Variants in SGIP1 observed in about 807,000 individuals in gnomAD.
SGIP1 encodes SH3GL interacting endocytic adaptor 1, also known as SH3-containing GRB2-like protein 3-interacting protein 1.
In SGIP1, 38 loss-of-function variants were observed where a neutral mutation model predicts 107.5. That is an observed-to-expected ratio of 0.35 (90% confidence interval 0.27 to 0.46). The LOEUF is 0.46. Ranked by LOEUF, SGIP1 falls within the 20% of genes least tolerant of loss-of-function variation. The probability of loss-of-function intolerance (pLI) is 1.00; values close to 1 mark genes in which losing one functional copy is unlikely to be tolerated. For synonymous variants in SGIP1, 365 were observed against 366.1 expected, an observed-to-expected ratio of 1.00 and a Z score of 0.03; for missense variants, 929 against 1,019.5, an observed-to-expected ratio of 0.91 and a Z score of 1.21.
At position 66,668,196 on chromosome 1, in the gene SGIP1, AT is replaced by A. The variant is rs780921591; in HGVS notation, c.483+666del. Among the ~76,000 whole-genome samples the A allele has an allele frequency of 1.5e-3, 223 of 149,264 alleles. 1 individual carries two copies. Among genetic ancestry groups the A allele is most frequent in the South Asian group, 6.0e-3 (28 of 4,698 alleles). On this transcript the variant is annotated intron_variant, in intron 9 of 24. Transcript: ENST00000371037. ...TTCCTCAAGTTGAAAAGTATCATAA[AT>A]TTTTTTTTTTCTGTGACGGATCTCG...
At chr1:66,569,189 T>C (rs914741238) in intron 1 of SGIP1, among the ~76,000 whole-genome samples, 2 of 152,008 alleles carry the variant, frequency 1.3e-5, no homozygotes, top group African/African-American at 4.8e-5. Flanking sequence ...GTTTTATTTT[T>C]TCCTTTTCAA....
At position 66,743,127 on chromosome 1, in the gene SGIP1, T is replaced by C; in HGVS notation, c.*32T>C. On this transcript the variant is annotated 3_prime_UTR_variant, in exon 25 of 25. Coordinates refer to ENST00000371037, the MANE Select transcript of SGIP1 (RefSeq NM_032291.4). Reference sequence around the variant, plus strand: ...CTTATGCAAGGATTTGGAGGATTCATATAATGGAGAACTGATGTATGAGAA... The same window carrying C: ...CTTATGCAAGGATTTGGAGGATTCACATAATGGAGAACTGATGTATGAGAA... 1 of 1,611,064 alleles carries C rather than the reference T, an allele frequency of 6.2e-7. No homozygotes were observed. The highest frequency in any genetic ancestry group is 1.3e-5 in the African/African-American group (1 of 74,952).
chr1:66,658,173 G>C (rs564294304), intron 7 of SGIP1, among the ~76,000 whole-genome samples: 1 of 152,218 alleles, frequency 6.6e-6, no homozygotes, highest in South Asian at 2.1e-4. Flanking sequence ...TTTAGAAAAG[G>C]CTGAGAAATT....
rs1039161627 is a variant in SGIP1, at chr1:66,628,837, A to T, written c.74+2927A>T. ...CGAGACATTTGTTTAAAGAATCCCA[A>T]GTATCCTTCCTTAACTTATCATTTG... On this transcript the variant is annotated intron_variant, in intron 2 of 24. Coordinates refer to ENST00000371037, the MANE Select transcript of SGIP1 (RefSeq NM_032291.4). Among the ~76,000 whole-genome samples the T allele has an allele frequency of 3.0e-5, 3 of 99,878 alleles. No homozygotes were observed. The Admixed American group carries it at 3.4e-4, about 11-fold the overall frequency. The allele number at this position is 99,878 out of a possible 152,430, so 65.5% of individuals were successfully genotyped here. A position where few individuals can be genotyped will look rare whatever the true frequency, so the allele number is the denominator to read the frequency against.
intron 15 of SGIP1, among the ~76,000 whole-genome samples, chr1:66,685,866 C>A (rs2088080191): frequency 6.6e-6 from 1 of 152,160 alleles, no homozygotes; most frequent in African/African-American, 2.4e-5. Flanking sequence ...GCAGACAGCT[C>A]TATTAGTAAT....
intron 24 of SGIP1, among the ~76,000 whole-genome samples, chr1:66,741,864 T>A (rs965707383): frequency 6.6e-6 from 1 of 151,850 alleles, no homozygotes; most frequent in Middle Eastern, 3.4e-3. Flanking sequence ...GCCTCCCGGG[T>A]TCACGCCATT....
At chr1:66,645,509 G>T (rs2077508057) in intron 7 of SGIP1, among the ~76,000 whole-genome samples, 1 of 152,170 alleles carries the variant, frequency 6.6e-6, no homozygotes, top group African/African-American at 2.4e-5. Flanking sequence ...GACACCCAGA[G>T]AGAGTGACCT....
rs148532343 is a variant in SGIP1 at position 66,676,979 on chromosome 1, G to C, written c.647-25G>C. On this transcript the variant is annotated intron_variant, in intron 12 of 24. Coordinates refer to ENST00000371037, the MANE Select transcript of SGIP1 (RefSeq NM_032291.4). ...ATGGGGATTTTTTTTAACTCACCCT[G>C]GGAAATCTTCTTTTTTGTTTCCAGT... 1.3e-3 allele frequency: 2,093 copies of C among 1,577,248 alleles called. 13 individuals are homozygous for C. In the African/African-American group the frequency reaches 0.016, roughly 12 times the overall value.
At chr1:66,631,235 A>G (rs1290196628) in intron 2 of SGIP1, among the ~76,000 whole-genome samples, 1 of 152,044 alleles carries the variant, frequency 6.6e-6, no homozygotes, top group Non-Finnish European at 1.5e-5. Flanking sequence ...GGATTTACTC[A>G]CCCATTTCAT....
chr1:66,572,464 T>A (rs951904257), intron 1 of SGIP1, among the ~76,000 whole-genome samples: 1 of 152,106 alleles, frequency 6.6e-6, no homozygotes, highest in South Asian at 2.1e-4. Context: ...TTGCTTTGTG[T>A]TGATATTCAG....
At position 66,681,945 on chromosome 1, in the gene SGIP1, A is replaced by G. The variant is rs1392329906; in HGVS notation, c.891A>G (p.Pro297=). The G allele has an allele frequency of 1.2e-6, 2 of 1,614,068 alleles. No homozygotes were observed. The highest frequency in any genetic ancestry group is 1.7e-6 in the Non-Finnish European group (2 of 1,180,030). ...ATGACTTGGACAGCATTTTTGGGCC[A>G]GTATTGTCCCCCAAGTCTGTTGCTG... ...SINDLDSIFG[P]VLSPKSVAVN... is the part of the protein sequence containing the mutation. The change falls in exon 15 of 25, where the codon CCA becomes CCG. Residue 297 remains proline (P), a synonymous_variant. Transcript: ENST00000371037.
At chr1:66,698,366 C>G (rs1433470904) in intron 18 of SGIP1, among the ~76,000 whole-genome samples, 1 of 147,788 alleles carries the variant, frequency 6.8e-6, no homozygotes, top group African/African-American at 2.5e-5. Flanking sequence ...GTAAAGATTG[C>G]AAATGGTGAT....
At chr1:66,740,748 T>C (rs1292697800) in intron 23 of SGIP1, 26 bp downstream of exon 23, 7 of 1,519,712 alleles carry the variant, frequency 4.6e-6, no homozygotes, top group Middle Eastern at 1.7e-4. Context: ...GTTTATTTTA[T>C]TTAACATGTA....
At chr1:66,612,616 A>T (rs1344483688) in intron 1 of SGIP1, among the ~76,000 whole-genome samples, 1 of 152,242 alleles carries the variant, frequency 6.6e-6, no homozygotes, top group Admixed American at 6.5e-5. Flanking sequence ...CACTTGATGT[A>T]TATATCCAAA....
At chr1:66,535,860 C>A (rs1270483244) in intron 1 of SGIP1, among the ~76,000 whole-genome samples, 1 of 151,866 alleles carries the variant, frequency 6.6e-6, no homozygotes. Context: ...GAAAAAATAT[C>A]TTGCCTGTAG....
intron 1 of SGIP1, among the ~76,000 whole-genome samples, chr1:66,566,367 T>A (rs949629922): frequency 1.3e-5 from 2 of 152,034 alleles, no homozygotes; most frequent in African/African-American, 4.8e-5. Context: ...CAACTAATAA[T>A]TTGGAAAAGG....
rs528281655 is a variant in SGIP1, at chr1:66,565,637, A to C, written c.10+31269A>C. On this transcript the variant is annotated intron_variant, in intron 1 of 24. Coordinates refer to ENST00000371037, the MANE Select transcript of SGIP1 (RefSeq NM_032291.4). ...CTAAAATTGGAGGTTGTATTGGAAA[A>C]GACTTTCTGAAATTTGGGCTTAGAT... Among the ~76,000 whole-genome samples, 123 of 152,138 alleles carry C rather than the reference A, an allele frequency of 8.1e-4. 1 individual carries two copies. Among genetic ancestry groups the C allele is most frequent in the South Asian group, 4.1e-3 (20 of 4,824 alleles).
rs1557840146 is a variant in SGIP1, at chr1:66,744,134, C to CAAAAA, written c.*1040_*1041insAAAAA. The CAAAAA allele has an allele frequency of 1.3e-5, 2 of 152,038 alleles. No homozygotes were observed. The allele number at this position is 152,038 out of a possible 1,614,324, so 9.4% of individuals were successfully genotyped here. ...TGAGAATTTTAGGGAAAAAAAAGTCCACTGTTTAGATCCAGAAGGAGAGTT... is the reference window on the plus strand; with the variant it reads ...TGAGAATTTTAGGGAAAAAAAAGTCCAAAAAACTGTTTAGATCCAGAAGGAGAGTT... On this transcript the variant is annotated 3_prime_UTR_variant, in exon 25 of 25. Coordinates refer to ENST00000371037, the MANE Select transcript of SGIP1 (RefSeq NM_032291.4).
At chr1:66,653,686 T>C (rs1446169595) in intron 7 of SGIP1, among the ~76,000 whole-genome samples, 1 of 152,196 alleles carries the variant, frequency 6.6e-6, no homozygotes, top group Non-Finnish European at 1.5e-5. Flanking sequence ...GTACTCACAA[T>C]ATTGACACAT....
Sources: gnomAD v4.1 joint callset for allele counts (sites outside exome capture counted in the v4.1 genomes callset) on GRCh38, gnomAD v4.1.1 for gene constraint, MANE v1.5 for transcripts, NCBI Gene and HGNC (gene_info 2026-07-23, HGNC 2026-07-21) for gene names.